Variants in DNAH12 observed in about 807,000 individuals in gnomAD.
DNAH12 encodes axonemal beta dynein heavy chain 12.
A neutral mutation model predicts 371.5 loss-of-function variants in DNAH12; 285 were observed. The observed-to-expected ratio is 0.77, with a 90% CI of 0.70 to 0.85. DNAH12 has a LOEUF of 0.85. Ranked by LOEUF, DNAH12 falls within the 40% of genes least tolerant of loss-of-function variation. The pLI is 0.00. For synonymous variants in DNAH12, 1,200 were observed against 1,213.0 expected, an observed-to-expected ratio of 0.99 and a Z score of 0.22; for missense variants, 3,611 against 3,689.4, an observed-to-expected ratio of 0.98 and a Z score of 0.55.
In DNAH12 at chr3:57,491,099, A is replaced by AAAAAAAC. The variant is rs56259991; in HGVS notation, c.1336-1413_1336-1412insGTTTTTT. 5.5e-3 allele frequency among the ~76,000 whole-genome samples: 622 copies of AAAAAAAC among 112,680 alleles called. 37 individuals carry two copies. Among genetic ancestry groups the AAAAAAAC allele is most frequent in the African/African-American group, 0.013 (366 of 28,642 alleles). 73.9% of individuals were successfully genotyped at this position (112,680 alleles called of 152,430 possible). On this transcript the variant is annotated intron_variant, in intron 11 of 73. Coordinates refer to ENST00000495027, the MANE Select transcript of DNAH12 (RefSeq NM_001366028.2). ...TCTATCTCAAAAAAAAAAAAAAAAA[A>AAAAAAAC]AACAACAAATAAAGGGTAGACAGAA...
At chr3:57,389,029 T>G (rs1363712547) in intron 45 of DNAH12, among the ~76,000 whole-genome samples, 1 of 152,192 alleles carries the variant, frequency 6.6e-6, no homozygotes, top group African/African-American at 2.4e-5. Flanking sequence ...GTTGTGCACA[T>G]GTACCCTAGA....
rs769075108 is a variant in DNAH12 at position 57,419,463 on chromosome 3, A to G, written c.5618T>C (p.Leu1873Ser). ...HWNELIKNTN[L>S]GDKQIKIQDI... is the part of the protein sequence containing the mutation. ...TTGAATCTTGATTTGTTTATCTCCT[A>G]AATTAGTATTTTTAATTAATTCATT... The change falls in exon 37 of 74, where the codon TTA becomes TCA. Residue 1873 changes from leucine to serine, a missense_variant. Physicochemically the swap from Leu to Ser is moderately radical, Grantham distance 145. Transcript: ENST00000495027. The G allele has an allele frequency of 1.3e-6, 2 of 1,495,082 alleles. No homozygotes were observed. Among genetic ancestry groups the G allele is most frequent in the South Asian group, 2.8e-5 (2 of 72,584 alleles). The allele number at this position is 1,495,082 out of a possible 1,614,324, so 92.6% of individuals were successfully genotyped here. A position where few individuals can be genotyped will look rare whatever the true frequency, so the allele number is the denominator to read the frequency against.
intron 64 of DNAH12, 57 bp downstream of exon 64, chr3:57,322,950 A>T: frequency 1.3e-6 from 2 of 1,518,868 alleles, no homozygotes; most frequent in South Asian, 2.6e-5. Flanking sequence ...AACAAAACAA[A>T]TAAGATATAC....
intron 29 of DNAH12, 34 bp downstream of exon 29, chr3:57,444,663 A>G: frequency 6.5e-7 from 1 of 1,544,704 alleles, no homozygotes; most frequent in East Asian, 2.5e-5. Context: ...TGAATTTATT[A>G]TGCCGAATAA....
rs1158783932 is a variant in DNAH12, at chr3:57,442,711, ATTTTGTG to A, written c.4545+1979_4545+1985del. Among the ~76,000 whole-genome samples, 450 of 152,286 alleles carry A rather than the reference ATTTTGTG, an allele frequency of 3.0e-3. 1 individual carries two copies. The highest frequency in any genetic ancestry group is 9.4e-3 in the African/African-American group (391 of 41,564). On this transcript the variant is annotated intron_variant, in intron 29 of 73. Transcript: ENST00000495027. ...AAGAGTTCTTCAAGAAAATATTAAA[ATTTTGTG>A]TTTTCATTTTGGTGTTTAAAAATCA...
At position 57,489,667 on chromosome 3, in the gene DNAH12, A is replaced by T. The variant is rs2067049670; in HGVS notation, c.1356T>A (p.Ser452Arg). 1 of 1,507,164 alleles carries T rather than the reference A, an allele frequency of 6.6e-7. No individual in the cohort carries two copies. The highest frequency in any genetic ancestry group is 8.8e-7 in the Non-Finnish European group (1 of 1,135,200). 93.4% of individuals were successfully genotyped at this position (1,507,164 alleles called of 1,614,324 possible). A position where few individuals can be genotyped will look rare whatever the true frequency, so the allele number is the denominator to read the frequency against. ...GCAAAAGCATTATTTCTGAGGCAAG[A>T]CTGAGAAATTTTTCTATAAACTTGA... is the stretch of plus-strand genomic sequence containing the variant. ...EYTEFIEKFL[S>R]LASEIMLLPQ... The change falls in exon 12 of 74, where the codon AGT (serine) becomes AGA (arginine). Residue 452 changes from serine (S) to arginine (R), a missense_variant. Around this residue, in one of 3 missense-constraint regions of DNAH12, gnomAD observed 1,314 missense variants for 1,398.7 expected, o/e 0.94. Transcript: ENST00000495027.
intron 6 of DNAH12, 100 bp downstream of exon 6, chr3:57,509,040 C>T (rs146195949): frequency 5.8e-6 from 6 of 1,034,032 alleles, no homozygotes; most frequent in Non-Finnish European, 8.6e-6. Flanking sequence ...GTTCAAAATA[C>T]CTTTGAGCAT....
chr3:57,458,291 T>C (rs989753718), intron 20 of DNAH12, 71 bp from the exon 21 acceptor site: 3 of 1,397,320 alleles, frequency 2.1e-6, no homozygotes, highest in Admixed American at 6.6e-5. Flanking sequence ...TATCAATCTA[T>C]ACTATATGTT....
At chr3:57,305,398 T>A (rs187071390) in intron 69 of DNAH12, among the ~76,000 whole-genome samples, 1 of 151,998 alleles carries the variant, frequency 6.6e-6, no homozygotes, top group South Asian at 2.1e-4. Context: ...CAGCCTCCGC[T>A]CCTCCACCCT....
intron 11 of DNAH12, chr3:57,498,383 C>A: frequency 1.5e-6 from 1 of 665,412 alleles, no homozygotes; most frequent in South Asian, 1.7e-5. Context: ...GTGGCATGAT[C>A]ATAACTCACT....
Position 57,429,739 on chromosome 3 carries a change from G to C in DNAH12, c.5016C>G (p.Ser1672=), listed in dbSNP as rs1475292784. 6.5e-7 allele frequency: 1 copy of C among 1,528,462 alleles called. No individual in the cohort carries two copies. Among genetic ancestry groups the C allele is most frequent in the Admixed American group, 2.1e-5 (1 of 47,054 alleles). 94.7% of individuals were successfully genotyped at this position (1,528,462 alleles called of 1,614,324 possible). A position where few individuals can be genotyped will look rare whatever the true frequency, so the allele number is the denominator to read the frequency against. ...TTTCAAAGATGAGGCTCATTTGGGG[G>C]GACATCTGAATGATTTCTCCACTCA... ...CLMSGEIIQM[S]PQMSLIFETM... is the part of the protein sequence containing the mutation. The change falls in exon 33 of 74, where the codon TCC becomes TCG. Residue 1672 remains serine, a synonymous_variant. Transcript: ENST00000495027.
At chr3:57,482,384 A>C (rs2066774860) in intron 13 of DNAH12, among the ~76,000 whole-genome samples, 2 of 152,122 alleles carry the variant, frequency 1.3e-5, no homozygotes, top group South Asian at 2.1e-4. Context: ...ACCATCTCAC[A>C]CCAGTTAGAA....
intron 69 of DNAH12, among the ~76,000 whole-genome samples, chr3:57,307,378 C>T (rs1323931705): frequency 6.6e-6 from 1 of 152,158 alleles, no homozygotes; most frequent in African/African-American, 2.4e-5. Context: ...CTCTCCCTGA[C>T]TCATCCCAAC....
At chr3:57,397,111 A>C (rs1047985591) in intron 43 of DNAH12, among the ~76,000 whole-genome samples, 81 of 152,356 alleles carry the variant, frequency 5.3e-4, no homozygotes, top group Middle Eastern at 6.8e-3. Context: ...TCTTTGAAAT[A>C]GGTGGTATTA....
At chr3:57,446,363 G>A in intron 26 of DNAH12, 93 bp from the exon 27 acceptor site, 1 of 1,447,376 alleles carries the variant, frequency 6.9e-7, no homozygotes. Context: ...AGAATTGAAA[G>A]TTAAATTTAG....
chr3:57,362,146 G>T (rs1253251069), intron 58 of DNAH12, among the ~76,000 whole-genome samples: 1 of 152,020 alleles, frequency 6.6e-6, no homozygotes, highest in African/African-American at 2.4e-5. Context: ...AGTTTGCTCA[G>T]AATGATGGTT....
At position 57,468,871 on chromosome 3, in the gene DNAH12, T is replaced by A. The variant is rs1394808560; in HGVS notation, c.2214A>T (p.Leu738=). The stretch of plus-strand genomic sequence containing the variant: ...TTCTTTTTTCTTGTAATTCTTTCTT[T>A]AGCTTCGTTTGGAAAAATTTTAGTG... ...FKTLKFFQTK[L]KKELQEKRKA... The change falls in exon 17 of 74, where the codon CTA becomes CTT. Residue 738 remains leucine, a synonymous_variant. Transcript: ENST00000495027. 1 of 1,526,702 alleles carries A rather than the reference T, an allele frequency of 6.6e-7. No homozygotes were observed. The highest frequency in any genetic ancestry group is 1.4e-5 in the African/African-American group (1 of 70,908). 94.6% of individuals were successfully genotyped at this position (1,526,702 alleles called of 1,614,324 possible). A position where few individuals can be genotyped will look rare whatever the true frequency, so the allele number is the denominator to read the frequency against.
chr3:57,502,756 A>G (rs978198257), intron 9 of DNAH12, among the ~76,000 whole-genome samples: 2 of 152,162 alleles, frequency 1.3e-5, no homozygotes. Flanking sequence ...CATGTTGGTC[A>G]GGCTGGTCTC....
At chr3:57,319,304 ACAT>A (rs1157634334) in intron 65 of DNAH12, among the ~76,000 whole-genome samples, 1 of 152,192 alleles carries the variant, frequency 6.6e-6, no homozygotes, top group Non-Finnish European at 1.5e-5. Context: ...ACATAAGATC[ACAT>A]CATCTGCAAA....
Sources: gnomAD v4.1 joint callset for allele counts (sites outside exome capture counted in the v4.1 genomes callset) on GRCh38, gnomAD v4.1.1 for gene constraint, gnomAD v4.1.1 regional missense constraint, MANE v1.5 for transcripts, NCBI Gene and HGNC (gene_info 2026-07-23, HGNC 2026-07-21) for gene names.